Variants in CDC42EP1 observed in about 807,000 individuals in gnomAD.
The protein encoded by CDC42EP1 is 55 kDa bone marrow stromal/endothelial cell protein.
In CDC42EP1, 6 loss-of-function variants were observed where a neutral mutation model predicts 7.4. The observed-to-expected ratio is 0.81, with a 90% CI of 0.44 to 1.60. The LOEUF (loss-of-function observed/expected upper bound fraction) is 1.60. CDC42EP1 is among the 40% of genes most tolerant of loss of function. The pLI is 0.01. For missense variants in CDC42EP1, 567 were observed against 539.0 expected (o/e 1.05, Z -0.51); for synonymous variants, 238 against 227.1 (o/e 1.05, Z -0.43).
chr22:37,568,930 C>A lies in CDC42EP1; in HGVS notation c.*110C>A, dbSNP rs1008439925. The A allele has an allele frequency of 1.5e-6, 1 of 653,804 alleles. No homozygotes were observed. Among genetic ancestry groups the A allele is most frequent in the Non-Finnish European group, 2.4e-6 (1 of 424,266 alleles). 40.5% of individuals were successfully genotyped at this position (653,804 alleles called of 1,614,324 possible). A position where few individuals can be genotyped will look rare whatever the true frequency, so the allele number is the denominator to read the frequency against. On this transcript the variant is annotated 3_prime_UTR_variant, in exon 3 of 3. Transcript: ENST00000249014. ...GGAGAAGTCATGTTGCCCCTAAACC[C>A]CTCCCCACCTCTGCAGGACAGACAT...
Position 37,568,161 on chromosome 22 carries a change from C to A in CDC42EP1, c.517C>A (p.His173Asn). Residue 173 changes from histidine to asparagine, a missense_variant, in exon 3 of 3, where the codon CAT becomes AAT. Coordinates refer to ENST00000249014, the MANE Select transcript of CDC42EP1 (RefSeq NM_152243.3). ...CCGCCTGCCCCGCTCGGAAAAGCCG[C>A]ATGACCGAGACCGGGATGGTTCCTT... ...ISRLPRSEKP[H>N]DRDRDGSFPS... 1.2e-6 allele frequency: 2 copies of A among 1,614,012 alleles called. No homozygotes were observed. Among genetic ancestry groups the A allele is most frequent in the Non-Finnish European group, 1.7e-6 (2 of 1,179,976 alleles).
rs753569685 is a variant in CDC42EP1 at position 37,568,390 on chromosome 22, C to T, written c.746C>T (p.Thr249Ile). Residue 249 changes from threonine to isoleucine, a missense_variant, in exon 3 of 3, where the codon ACT becomes ATT. Coordinates refer to ENST00000249014, the MANE Select transcript of CDC42EP1 (RefSeq NM_152243.3). ...TGPAANPPAT[T>I]ANPPAPAANP... ...CCTGCTGCAAACCCCCCAGCCACTA[C>T]TGCAAACCCCCCAGCGCCTGCTGCA... 6.6e-7 allele frequency: 1 copy of T among 1,509,682 alleles called. No individual in the cohort carries two copies. Among genetic ancestry groups the T allele is most frequent in the Non-Finnish European group, 9.1e-7 (1 of 1,103,628 alleles). The allele number at this position is 1,509,682 out of a possible 1,614,324, so 93.5% of individuals were successfully genotyped here. A position where few individuals can be genotyped will look rare whatever the true frequency, so the allele number is the denominator to read the frequency against.
rs948937697 is a variant in CDC42EP1, at chr22:37,560,484, A to G, written c.-383A>G. On this transcript the variant is annotated 5_prime_UTR_variant, in exon 1 of 3. Coordinates refer to ENST00000249014, the MANE Select transcript of CDC42EP1 (RefSeq NM_152243.3). ...GGAGCCCGCGGCCAGGGCGGCGCAG[A>G]CCGGCCCAGCGACTCTCCCGGGCTG... 4 of 147,266 alleles carry G rather than the reference A, an allele frequency of 2.7e-5. No individual in the cohort carries two copies. The highest frequency in any genetic ancestry group is 6.0e-5 in the Non-Finnish European group (4 of 66,396). The allele number at this position is 147,266 out of a possible 1,614,324, so 9.1% of individuals were successfully genotyped here. A position where few individuals can be genotyped will look rare whatever the true frequency, so the allele number is the denominator to read the frequency against.
At position 37,568,775 on chromosome 22, in the gene CDC42EP1, C is replaced by G. The variant is rs145918471; in HGVS notation, c.1131C>G (p.Thr377=). ...TPVPSTVQAN[T]FEFADAEEDD... ...TGCCCAGCACAGTGCAAGCAAACAC[C>G]TTTGAATTTGCGGATGCTGAGGAGG... Residue 377 remains threonine (T), a synonymous_variant, in exon 3 of 3, where the codon ACC becomes ACG. Coordinates refer to ENST00000249014, the MANE Select transcript of CDC42EP1 (RefSeq NM_152243.3). 5.3e-6 allele frequency: 8 copies of G among 1,498,634 alleles called. No homozygotes were observed. The highest frequency in any genetic ancestry group is 7.1e-6 in the Non-Finnish European group (8 of 1,122,856). The allele number at this position is 1,498,634 out of a possible 1,614,324, so 92.8% of individuals were successfully genotyped here.
chr22:37,566,614 G>T lies in CDC42EP1; in HGVS notation c.265G>T (p.Val89Leu). 1.9e-6 allele frequency: 3 copies of T among 1,596,630 alleles called. No homozygotes were observed. The highest frequency in any genetic ancestry group is 2.6e-6 in the Non-Finnish European group (3 of 1,168,650). The change falls in exon 2 of 3, where the codon GTG becomes TTG. Residue 89 changes from valine to leucine, a missense_variant. Transcript: ENST00000249014. This position sits in a 1 kb window ranked among gnomAD's most constrained non-coding sequence, Gnocchi z 6.4. ...RSFLAKKLQL[V>L]RRVGAPPRRM... ...CTTCCTGGCCAAGAAGCTGCAGCTG[G>T]TGCGGAGGGTGGGGGCGCCCCCCCG...
At chr22:37,567,853 T>G (rs1355378515) in intron 2 of CDC42EP1, among the ~76,000 whole-genome samples, 1 of 152,172 alleles carries the variant, frequency 6.6e-6, no homozygotes, top group East Asian at 1.9e-4. Context: ...CTTCGCCCCA[T>G]CCCAAACTGA....
At position 37,568,823 on chromosome 22, in the gene CDC42EP1, G is replaced by C. The variant is rs748556446; in HGVS notation, c.*3G>C. The C allele has an allele frequency of 4.8e-6, 7 of 1,467,142 alleles. No individual in the cohort carries two copies. In the Admixed American group the frequency reaches 1.8e-4, roughly 37 times the overall value. The allele number at this position is 1,467,142 out of a possible 1,614,324, so 90.9% of individuals were successfully genotyped here. On this transcript the variant is annotated 3_prime_UTR_variant, in exon 3 of 3. Coordinates refer to ENST00000249014, the MANE Select transcript of CDC42EP1 (RefSeq NM_152243.3). ...AGGATGATGAGGTCAAGGTGTGAGGGGCTGGGGCACGGTCCCAGGGCCCCA... is the reference window on the plus strand; with the variant it reads ...AGGATGATGAGGTCAAGGTGTGAGGCGCTGGGGCACGGTCCCAGGGCCCCA...
At position 37,568,645 on chromosome 22, in the gene CDC42EP1, T is replaced by A. The variant is rs753174629; in HGVS notation, c.1001T>A (p.Met334Lys). 9 of 1,575,998 alleles carry A rather than the reference T, an allele frequency of 5.7e-6. No homozygotes were observed. The African/African-American group carries it at 1.2e-4, about 21-fold the overall frequency. Reference protein sequence around the residue: ...GWDGGHHYPEMDARQERVEVL... With the variant: ...GWDGGHHYPEKDARQERVEVL... The stretch of plus-strand genomic sequence containing the variant: ...GATGGCGGCCACCACTACCCAGAGA[T>A]GGATGCGCGGCAGGAGCGGGTGGAG... The change falls in exon 3 of 3, where the codon ATG becomes AAG. Residue 334 changes from methionine to lysine, a missense_variant. Physicochemically the swap from Met to Lys is moderately conservative, Grantham distance 95 (BLOSUM62 -1). Coordinates refer to ENST00000249014, the MANE Select transcript of CDC42EP1 (RefSeq NM_152243.3).
At chr22:37,561,667 G>C (rs372690056) in intron 1 of CDC42EP1, among the ~76,000 whole-genome samples, 2 of 151,166 alleles carry the variant, frequency 1.3e-5, no homozygotes, top group African/African-American at 4.9e-5. Context: ...GGGAGCTGCC[G>C]TAACCATGAC....
chr22:37,564,851 T>C (rs1305909569), intron 1 of CDC42EP1, among the ~76,000 whole-genome samples: 2 of 152,202 alleles, frequency 1.3e-5, no homozygotes, highest in Admixed American at 6.5e-5. Context: ...CAATCTCGGC[T>C]CACTGCAACC....
chr22:37,568,897 C>G lies in CDC42EP1; in HGVS notation c.*77C>G, dbSNP rs1292927139. 9.7e-7 allele frequency: 1 copy of G among 1,030,442 alleles called. No homozygotes were observed. The highest frequency in any genetic ancestry group is 2.8e-5 in the East Asian group (1 of 35,486). The allele number at this position is 1,030,442 out of a possible 1,614,324, so 63.8% of individuals were successfully genotyped here. On this transcript the variant is annotated 3_prime_UTR_variant, in exon 3 of 3. Transcript: ENST00000249014. ...ACCTAACAGCTGGTTCCTACCAGAC[C>G]GGAGAGGGGAGAAGTCATGTTGCCC...
intron 1 of CDC42EP1, among the ~76,000 whole-genome samples, chr22:37,562,111 C>G (rs1925063565): frequency 6.6e-6 from 1 of 152,228 alleles, no homozygotes; most frequent in Non-Finnish European, 1.5e-5. Context: ...CCTGCACCTG[C>G]ACCCCACACC....
Position 37,569,368 on chromosome 22 carries a change from C to T in CDC42EP1, c.*548C>T, listed in dbSNP as rs1264672936. ...CACCTGCCTGTATACCCCAGACTTG[C>T]CTCTGGGGCCTGATTAAATAAGGCT... On this transcript the variant is annotated 3_prime_UTR_variant, in exon 3 of 3. Transcript: ENST00000249014. The T allele has an allele frequency of 6.6e-6, 1 of 152,426 alleles. No homozygotes were observed. The highest frequency in any genetic ancestry group is 6.5e-5 in the Admixed American group (1 of 15,286). 9.4% of individuals were successfully genotyped at this position (152,426 alleles called of 1,614,324 possible). A position where few individuals can be genotyped will look rare whatever the true frequency, so the allele number is the denominator to read the frequency against.
intron 1 of CDC42EP1, among the ~76,000 whole-genome samples, chr22:37,565,057 CGTGAGCCA>C (rs1438906739): frequency 1.3e-5 from 2 of 152,144 alleles, no homozygotes; most frequent in African/African-American, 2.4e-5. Context: ...GGAATACAGG[CGTGAGCCA>C]CCGCGCCCAG....
At chr22:37,565,025 G>A (rs1338609095) in intron 1 of CDC42EP1, among the ~76,000 whole-genome samples, 1 of 152,074 alleles carries the variant, frequency 6.6e-6, no homozygotes, top group African/African-American at 2.4e-5. Context: ...TGATCCACCC[G>A]CCTTGGCCTC....
At position 37,568,844 on chromosome 22, in the gene CDC42EP1, C is replaced by T. The variant is rs776758859; in HGVS notation, c.*24C>T. On this transcript the variant is annotated 3_prime_UTR_variant, in exon 3 of 3. Transcript: ENST00000249014. ...GAGGGGCTGGGGCACGGTCCCAGGG[C>T]CCCACCTAGGTGCAGAGCCGGCCCC... 4 of 1,428,488 alleles carry T rather than the reference C, an allele frequency of 2.8e-6. No homozygotes were observed. The highest frequency in any genetic ancestry group is 3.7e-6 in the Non-Finnish European group (4 of 1,082,054). The allele number at this position is 1,428,488 out of a possible 1,614,324, so 88.5% of individuals were successfully genotyped here.
rs756499308 is a variant in CDC42EP1 at position 37,568,405 on chromosome 22, C to T, written c.761C>T (p.Ala254Val). The change falls in exon 3 of 3, where the codon GCG (alanine) becomes GTG (valine). Residue 254 changes from alanine (A) to valine (V), a missense_variant. Physicochemically the swap from Ala to Val is moderately conservative, Grantham distance 64. Transcript: ENST00000249014. ...NPPATTANPP[A>V]PAANPSAPAA... ...CCAGCCACTACTGCAAACCCCCCAG[C>T]GCCTGCTGCAAACCCCTCAGCACCT... 3.1e-5 allele frequency: 11 copies of T among 355,362 alleles called. No individual in the cohort carries two copies. The Middle Eastern group carries it at 2.1e-3, about 67-fold the overall frequency. The allele number at this position is 355,362 out of a possible 1,614,324, so 22.0% of individuals were successfully genotyped here.
intron 1 of CDC42EP1, among the ~76,000 whole-genome samples, chr22:37,565,185 CTTTTTTTTTT>C (rs67228684): frequency 1.1e-5 from 1 of 90,910 alleles, no homozygotes; most frequent in Admixed American, 1.4e-4. Context: ...TTTTTTTTTC[CTTTTTTTTTT>C]TTTTTTTTTT....
At chr22:37,563,080 C>T (rs1925104585) in intron 1 of CDC42EP1, among the ~76,000 whole-genome samples, 1 of 151,746 alleles carries the variant, frequency 6.6e-6, no homozygotes, top group Non-Finnish European at 1.5e-5. Flanking sequence ...CTGCACTCAG[C>T]CTGGGTGACA....
Sources: allele counts gnomAD v4.1 joint callset (sites outside exome capture counted in the v4.1 genomes callset), GRCh38; gene constraint gnomAD v4.1.1; non-coding constraint Gnocchi (gnomAD v3.1); transcripts MANE v1.5; gene names NCBI Gene and HGNC (gene_info 2026-07-23, HGNC 2026-07-21).